FAM13B: variants seen among roughly 807,000 people sequenced by gnomAD.
FAM13B encodes the protein protein FAM13B.
A neutral mutation model predicts 117.3 loss-of-function variants in FAM13B; 60 were observed. The ratio of observed to expected loss-of-function variants is 0.51; its 90% confidence interval spans 0.42 to 0.63. FAM13B has a LOEUF of 0.63. Among genes scored for constraint, FAM13B ranks in the 30% least tolerant of loss-of-function variants. The pLI is 0.00. For missense variants in FAM13B, 972 were observed against 1,091.9 expected (o/e 0.89, Z 1.55); for synonymous variants, 332 against 356.1 (o/e 0.93, Z 0.76).
chr5:138,019,144 T>C lies in FAM13B; in HGVS notation c.-33A>G, dbSNP rs1321638370. On this transcript the variant is annotated splice_region_variant and 5_prime_UTR_variant, in exon 3 of 24. Coordinates refer to ENST00000689681, the MANE Select transcript of FAM13B (RefSeq NM_001385994.1). ...TTGCAGCCAGAAATCAAAGCTGTCTTTTCTGCCAAATGAAAGACAAAAAAA... is the reference window on the plus strand; with the variant it reads ...TTGCAGCCAGAAATCAAAGCTGTCTCTTCTGCCAAATGAAAGACAAAAAAA... 6.4e-7 allele frequency: 1 copy of C among 1,557,900 alleles called. No individual in the cohort carries two copies. Among genetic ancestry groups the C allele is most frequent in the Non-Finnish European group, 8.6e-7 (1 of 1,159,230 alleles).
intron 12 of FAM13B, 23 bp downstream of exon 12, chr5:137,960,143 T>C: frequency 2.1e-6 from 3 of 1,460,258 alleles, no homozygotes; most frequent in Non-Finnish European, 2.8e-6. Context: ...TTTTAAAGAC[T>C]AAGACAAAAA....
At chr5:137,954,041 C>CT (rs369548946) in intron 15 of FAM13B, 125 bp downstream of exon 15, 57,015 of 387,786 alleles carry the variant, frequency 0.15, 5,110 homozygotes, top group African/African-American at 0.32. Context: ...CAATCTCTCT[C>CT]TTTTTTTTTT....
chr5:137,962,436 G>C lies in FAM13B; in HGVS notation c.1213C>G (p.Arg405Gly), dbSNP rs763768037. 1.2e-6 allele frequency: 2 copies of C among 1,613,540 alleles called. No homozygotes were observed. Among genetic ancestry groups the C allele is most frequent in the Non-Finnish European group, 1.7e-6 (2 of 1,179,728 alleles). Reference sequence around the variant, plus strand: ...AGACAGCCATCTTCACTATCACCACGGTCACTGCATGGCTCTAACAATATA... The same window carrying C: ...AGACAGCCATCTTCACTATCACCACCGTCACTGCATGGCTCTAACAATATA... The part of the protein sequence containing the change: ...VGILLEPCSD[R>G]GDSEDGCLER... The change falls in exon 11 of 24, where the codon CGT (arginine) becomes GGT (glycine). Residue 405 changes from arginine to glycine, a missense_variant. Arg to Gly is a moderately radical substitution (Grantham distance 125, BLOSUM62 -2). Transcript: ENST00000689681.
At chr5:138,031,003 A>T (rs1304652014) in intron 1 of FAM13B, among the ~76,000 whole-genome samples, 1 of 152,110 alleles carries the variant, frequency 6.6e-6, no homozygotes, top group East Asian at 1.9e-4. Context: ...ACTGCACTCC[A>T]GCCTGGGCGA....
chr5:138,024,585 A>AG (rs1787685212), intron 1 of FAM13B, among the ~76,000 whole-genome samples: 1 of 151,258 alleles, frequency 6.6e-6, no homozygotes, highest in Non-Finnish European at 1.5e-5. Context: ...ATTCTAAAAA[A>AG]AAAAAAGAAA....
At chr5:137,942,518 C>G in intron 22 of FAM13B, 1 of 223,616 alleles carries the variant, frequency 4.5e-6, no homozygotes, top group Non-Finnish European at 8.8e-6. Context: ...ACACCACCAC[C>G]CCTGGCTAAT....
At chr5:137,954,424 G>A (rs548891793) in intron 14 of FAM13B, 48 bp from the exon 15 acceptor site, 8 of 1,510,732 alleles carry the variant, frequency 5.3e-6, no homozygotes, top group South Asian at 2.4e-5. Flanking sequence ...TTGATTCCAC[G>A]TGGGAAAAAA....
intron 7 of FAM13B, among the ~76,000 whole-genome samples, chr5:137,991,959 T>G (rs1204699977): frequency 1.1e-4 from 16 of 152,284 alleles, no homozygotes; most frequent in Middle Eastern, 3.4e-3. Flanking sequence ...TCTCACTTTG[T>G]CACCCAGGCT....
chr5:137,953,894 C>G (rs552908338), intron 15 of FAM13B, among the ~76,000 whole-genome samples: 1 of 152,104 alleles, frequency 6.6e-6, no homozygotes, highest in African/African-American at 2.4e-5. Context: ...TAATACACCA[C>G]GAGAAAATGT....
At chr5:138,002,664 A>ATT (rs70979561) in intron 7 of FAM13B, among the ~76,000 whole-genome samples, 1,579 of 120,272 alleles carry the variant, frequency 0.013, 72 homozygotes, top group African/African-American at 0.031. Context: ...TGTTCCCTCT[A>ATT]TTTTTTTTTT....
chr5:137,960,150 A>T lies in FAM13B; in HGVS notation c.1293+16T>A, dbSNP rs759391253. 3 of 1,496,676 alleles carry T rather than the reference A, an allele frequency of 2.0e-6. No individual in the cohort carries two copies. The South Asian group carries it at 3.6e-5, about 18-fold the overall frequency. The allele number at this position is 1,496,676 out of a possible 1,614,324, so 92.7% of individuals were successfully genotyped here. Reference sequence around the variant, plus strand: ...AGGCAAGTTTTTAAAGACTAAGACAAAAAAATAGTTCTTACCAGAATCAAG... The same window carrying T: ...AGGCAAGTTTTTAAAGACTAAGACATAAAAATAGTTCTTACCAGAATCAAG... On this transcript the variant is annotated intron_variant, in intron 12 of 23. Transcript: ENST00000689681.
chr5:138,008,002 T>G (rs1782977421), intron 6 of FAM13B, among the ~76,000 whole-genome samples: 1 of 152,210 alleles, frequency 6.6e-6, no homozygotes, highest in African/African-American at 2.4e-5. Flanking sequence ...TACTACTACA[T>G]GTAACAGTGG....
chr5:137,995,815 C>CA (rs1779722492), intron 7 of FAM13B, among the ~76,000 whole-genome samples: 1 of 152,106 alleles, frequency 6.6e-6, no homozygotes, highest in Non-Finnish European at 1.5e-5. Context: ...GAGAACCTGT[C>CA]AATATTTATC....
Position 137,939,951 on chromosome 5 carries a change from G to C in FAM13B, c.*274C>G. ...ATAAAATTCCAGTCTTTTGCTAAAA[G>C]GATGTATCTGTAGTACAAAACAATG... On this transcript the variant is annotated 3_prime_UTR_variant, in exon 24 of 24. Coordinates refer to ENST00000689681, the MANE Select transcript of FAM13B (RefSeq NM_001385994.1). 7.1e-7 allele frequency: 1 copy of C among 1,411,044 alleles called. No individual in the cohort carries two copies. The highest frequency in any genetic ancestry group is 1.7e-5 in the South Asian group (1 of 57,160). 87.4% of individuals were successfully genotyped at this position (1,411,044 alleles called of 1,614,324 possible).
At chr5:138,003,417 C>CA (rs1781761211) in intron 7 of FAM13B, among the ~76,000 whole-genome samples, 1 of 152,054 alleles carries the variant, frequency 6.6e-6, no homozygotes, top group South Asian at 2.1e-4. Flanking sequence ...TAGATACCAC[C>CA]AAAAAAGTAG....
chr5:137,970,599 C>T (rs1210455619), intron 10 of FAM13B, among the ~76,000 whole-genome samples: 1 of 151,790 alleles, frequency 6.6e-6, no homozygotes, highest in African/African-American at 2.4e-5. Context: ...GGATCAAATT[C>T]ACACATAACA....
chr5:137,971,086 G>C (rs1185717554), intron 10 of FAM13B, among the ~76,000 whole-genome samples: 1 of 151,610 alleles, frequency 6.6e-6, no homozygotes, highest in Non-Finnish European at 1.5e-5. Context: ...CCCAGGAATT[G>C]AACTCAGCTC....
At chr5:138,019,444 G>A (rs1423157311) in intron 2 of FAM13B, among the ~76,000 whole-genome samples, 2 of 152,142 alleles carry the variant, frequency 1.3e-5, no homozygotes, top group Non-Finnish European at 2.9e-5. Flanking sequence ...ACAAATTAAG[G>A]AGCAAATTTG....
At chr5:138,030,633 T>TA (rs1369372807) in intron 1 of FAM13B, among the ~76,000 whole-genome samples, 1 of 151,222 alleles carries the variant, frequency 6.6e-6, no homozygotes, top group Non-Finnish European at 1.5e-5. Context: ...AGTGGGTTTT[T>TA]AAAAAAATAC....
Sources: allele counts gnomAD v4.1 joint callset (sites outside exome capture counted in the v4.1 genomes callset), GRCh38; gene constraint gnomAD v4.1.1; transcripts MANE v1.5; gene names NCBI Gene and HGNC (gene_info 2026-07-23, HGNC 2026-07-21).